Variants in BMPR1A observed in about 807,000 individuals in gnomAD.
BMPR1A encodes the protein bone morphogenetic protein receptor type-1A.
In BMPR1A, 7 loss-of-function variants were observed where a neutral mutation model predicts 66.0. The observed-to-expected ratio is 0.11, with a 90% CI of 0.06 to 0.20. The LOEUF (loss-of-function observed/expected upper bound fraction) is 0.20, where lower values mean the gene tolerates loss of function less well. Among genes scored for constraint, BMPR1A ranks in the 10% least tolerant of loss-of-function variants. The pLI is 1.00. For synonymous variants in BMPR1A, 200 were observed against 229.7 expected (o/e 0.87, Z 1.17); for missense variants, 408 against 669.1 (o/e 0.61, Z 4.31).
chr10:86,758,195 G>A (rs1481419701), intron 1 of BMPR1A, among the ~76,000 whole-genome samples: 1 of 152,160 alleles, frequency 6.6e-6, no homozygotes. Context: ...AGTAGAACCA[G>A]ACTCAGTTCT....
intron 1 of BMPR1A, among the ~76,000 whole-genome samples, chr10:86,813,646 AT>A (rs915231457): frequency 1.3e-5 from 2 of 152,112 alleles, no homozygotes; most frequent in African/African-American, 4.8e-5. Context: ...TGCGCTCTCC[AT>A]TTCCCCCCAT....
intron 1 of BMPR1A, among the ~76,000 whole-genome samples, chr10:86,773,788 T>C (rs1270878312): frequency 6.6e-6 from 1 of 151,714 alleles, no homozygotes; most frequent in Admixed American, 6.6e-5. Context: ...ATATCTTAAA[T>C]AGACTAAGCA....
At chr10:86,919,072 C>T (rs1176490057) in intron 9 of BMPR1A, 100 bp from the exon 10 acceptor site, 1 of 1,344,620 alleles carries the variant, frequency 7.4e-7, no homozygotes, top group Non-Finnish European at 1.1e-6. Flanking sequence ...TCACTATCTG[C>T]ACATGATACC....
chr10:86,889,273 GT>G lies in BMPR1A; in HGVS notation c.68-786del, dbSNP rs1843114231. Reference sequence around the variant, plus strand: ...AACTGCTGCCCTTCTATAACCTTCAGTTTCTGCCAGCATCGTCTGCATTCAA... The same window carrying G: ...AACTGCTGCCCTTCTATAACCTTCAGTTCTGCCAGCATCGTCTGCATTCAA... On this transcript the variant is annotated intron_variant, in intron 3 of 12. Coordinates refer to ENST00000372037, the MANE Select transcript of BMPR1A (RefSeq NM_004329.3). 5.3e-5 allele frequency among the ~76,000 whole-genome samples: 8 copies of G among 152,290 alleles called. No individual in the cohort carries two copies. In the South Asian group the frequency reaches 1.7e-3, roughly 32 times the overall value.
intron 8 of BMPR1A, among the ~76,000 whole-genome samples, chr10:86,916,200 A>G (rs1251256622): frequency 2.0e-5 from 3 of 152,192 alleles, no homozygotes; most frequent in Admixed American, 2.0e-4. Flanking sequence ...GTCAAAGCAA[A>G]TAATGGGACC....
intron 4 of BMPR1A, among the ~76,000 whole-genome samples, chr10:86,890,511 T>C (rs1176735089): frequency 6.6e-6 from 1 of 152,132 alleles, no homozygotes; most frequent in East Asian, 1.9e-4. Flanking sequence ...CTTAAATTTA[T>C]TGATGCTCAT....
chr10:86,883,118 AC>A (rs1463991805), intron 3 of BMPR1A, among the ~76,000 whole-genome samples: 1 of 151,988 alleles, frequency 6.6e-6, no homozygotes, highest in East Asian at 1.9e-4. Context: ...TTTCCTCTCT[AC>A]CCCCATGCAC....
chr10:86,834,877 T>TA (rs890561965), intron 1 of BMPR1A, among the ~76,000 whole-genome samples: 1 of 152,098 alleles, frequency 6.6e-6, no homozygotes, highest in African/African-American at 2.4e-5. Context: ...TCTTTTTTTT[T>TA]AATGGTCCTA....
chr10:86,765,208 C>T lies in BMPR1A; in HGVS notation c.-268+8289C>T, dbSNP rs1401765629. ...TTTAAAATCTAGTATAAATCCTTGG[C>T]CAGGTGCTGTGGCTCACGCCTGTAA... On this transcript the variant is annotated intron_variant, in intron 1 of 12. Transcript: ENST00000372037. 4.6e-5 allele frequency among the ~76,000 whole-genome samples: 7 copies of T among 152,258 alleles called. No homozygotes were observed. The East Asian group carries it at 1.4e-3, about 29-fold the overall frequency.
chr10:86,765,869 CTTTT>C (rs1841153439), intron 1 of BMPR1A, among the ~76,000 whole-genome samples: 1 of 151,852 alleles, frequency 6.6e-6, no homozygotes, highest in African/African-American at 2.4e-5. Context: ...TGCCTTCTTT[CTTTT>C]TTTCTGTCCC....
chr10:86,912,608 T>C (rs1262677136), intron 8 of BMPR1A, among the ~76,000 whole-genome samples: 1 of 152,122 alleles, frequency 6.6e-6, no homozygotes, highest in African/African-American at 2.4e-5. Context: ...ATAAACCAGG[T>C]TATAGGAACC....
chr10:86,840,874 T>C (rs1205732355), intron 2 of BMPR1A, among the ~76,000 whole-genome samples: 1 of 152,224 alleles, frequency 6.6e-6, no homozygotes, highest in Non-Finnish European at 1.5e-5. Context: ...TTGAATCCTC[T>C]CTTTCCGAAT....
intron 1 of BMPR1A, among the ~76,000 whole-genome samples, chr10:86,797,627 A>G (rs1470177810): frequency 1.3e-5 from 2 of 151,804 alleles, no homozygotes; most frequent in Non-Finnish European, 2.9e-5. Context: ...CAGCCTCCCA[A>G]AGTGCTGGGG....
intron 1 of BMPR1A, among the ~76,000 whole-genome samples, chr10:86,791,308 G>C (rs1841615287): frequency 6.6e-6 from 1 of 151,786 alleles, no homozygotes; most frequent in African/African-American, 2.4e-5. Flanking sequence ...CGCCTCCTGG[G>C]TTCAAGCAAT....
In BMPR1A at chr10:86,921,801, A is replaced by G. The variant is rs190231973; in HGVS notation, c.1342+106A>G. On this transcript the variant is annotated intron_variant, in intron 11 of 12. Transcript: ENST00000372037. The stretch of plus-strand genomic sequence containing the variant: ...TTTTTAATTTTTGTGGGCACATAGT[A>G]GGTGTATATATTATTGGATAAGGAG... 7.2e-6 allele frequency: 10 copies of G among 1,379,356 alleles called. No individual in the cohort carries two copies. The South Asian group carries it at 1.2e-4, about 17-fold the overall frequency. 85.4% of individuals were successfully genotyped at this position (1,379,356 alleles called of 1,614,324 possible).
chr10:86,790,198 T>A (rs1187201474), intron 1 of BMPR1A, among the ~76,000 whole-genome samples: 272 of 13,954 alleles, frequency 0.019, 42 homozygotes, highest in African/African-American at 0.075. Context: ...AATATATATA[T>A]ATATATATAT....
chr10:86,923,193 G>A (rs1843692372), intron 11 of BMPR1A, among the ~76,000 whole-genome samples, 183 bp from the exon 12 acceptor site: 1 of 152,120 alleles, frequency 6.6e-6, no homozygotes, highest in African/African-American at 2.4e-5. Context: ...GGAGGTAGAG[G>A]AAATAGTTGG....
chr10:86,837,259 G>GTGTC (rs1287625000), intron 1 of BMPR1A, among the ~76,000 whole-genome samples: 2 of 151,682 alleles, frequency 1.3e-5, no homozygotes, highest in African/African-American at 4.8e-5. Context: ...GTGTGTGTGT[G>GTGTC]TGTGTGTGTG....
At chr10:86,799,506 C>CTTCCTTTCTTTTCT (rs1354339570) in intron 1 of BMPR1A, among the ~76,000 whole-genome samples, 10 of 64,536 alleles carry the variant, frequency 1.5e-4, no homozygotes, top group African/African-American at 2.5e-4. Flanking sequence ...TCCTTCCTTC[C>CTTCCTTTCTTTTCT]TTTCTTTTCT....
Sources: allele counts gnomAD v4.1 joint callset (sites outside exome capture counted in the v4.1 genomes callset), GRCh38; gene constraint gnomAD v4.1.1; transcripts MANE v1.5; gene names NCBI Gene and HGNC (gene_info 2026-07-23, HGNC 2026-07-21).